The following SNX9 variants were observed in gnomAD, a reference collection of about 807,000 sequenced individuals.
SNX9 encodes the protein sorting nexin-9.
Under a neutral mutation model 89.4 loss-of-function variants are expected in SNX9, and 44 were observed. That is an observed-to-expected ratio of 0.49 (90% CI 0.39 to 0.63). SNX9 has a LOEUF of 0.63. Among genes scored for constraint, SNX9 ranks in the 30% least tolerant of loss-of-function variants. The pLI is 0.00. For missense variants in SNX9, 578 were observed against 736.1 expected (o/e 0.79, Z 2.49); for synonymous variants, 236 against 247.8 (o/e 0.95, Z 0.45).
At chr6:157,884,832 G>A (rs1782700217) in intron 4 of SNX9, among the ~76,000 whole-genome samples, 1 of 151,904 alleles carries the variant, frequency 6.6e-6, no homozygotes, top group Non-Finnish European at 1.5e-5. Flanking sequence ...TGTTTGTTTT[G>A]TCTAACTGGA....
intron 1 of SNX9, among the ~76,000 whole-genome samples, chr6:157,856,046 G>A (rs1483743351): frequency 6.6e-6 from 1 of 152,208 alleles, no homozygotes; most frequent in Non-Finnish European, 1.5e-5. Context: ...ACCACGCCCG[G>A]CCTGTCATTG....
Position 157,943,295 on chromosome 6 carries a change from T to G in SNX9, c.*457T>G, listed in dbSNP as rs936842118. ...TGCCAGAATAAAAAATATCTATGTT[T>G]GTATATTTTTATAACTCCTTTCAGT... On this transcript the variant is annotated 3_prime_UTR_variant, in exon 18 of 18. Transcript: ENST00000392185. The G allele has an allele frequency of 6.6e-6, 1 of 152,642 alleles. No individual in the cohort carries two copies. Among genetic ancestry groups the G allele is most frequent in the Admixed American group, 6.5e-5 (1 of 15,292 alleles). The allele number at this position is 152,642 out of a possible 1,614,324, so 9.5% of individuals were successfully genotyped here.
At chr6:157,881,005 C>T (rs1189940388) in intron 4 of SNX9, among the ~76,000 whole-genome samples, 2 of 152,202 alleles carry the variant, frequency 1.3e-5, no homozygotes, top group African/African-American at 4.8e-5. Flanking sequence ...ACCACTGCTT[C>T]TAAAACAAGA....
chr6:157,855,424 A>G (rs1008732186), intron 1 of SNX9, among the ~76,000 whole-genome samples: 1 of 152,300 alleles, frequency 6.6e-6, no homozygotes, highest in South Asian at 2.1e-4. Flanking sequence ...TCTCGTTAAG[A>G]TACATGTGTG....
At chr6:157,851,515 C>T (rs1781910704) in intron 1 of SNX9, among the ~76,000 whole-genome samples, 1 of 152,126 alleles carries the variant, frequency 6.6e-6, no homozygotes, top group African/African-American at 2.4e-5. Context: ...CTCCCTGTAG[C>T]CCCTGGTAAC....
chr6:157,917,687 G>A (rs528995334), intron 9 of SNX9, among the ~76,000 whole-genome samples: 2 of 151,988 alleles, frequency 1.3e-5, no homozygotes, highest in Admixed American at 6.5e-5. Context: ...ACATTCTCCC[G>A]TATATTTTAA....
intron 1 of SNX9, among the ~76,000 whole-genome samples, chr6:157,867,163 G>A (rs1255367990): frequency 6.6e-6 from 1 of 152,066 alleles, no homozygotes; most frequent in Non-Finnish European, 1.5e-5. Flanking sequence ...TTGTTGCTCA[G>A]GCTGGTCTCG....
At position 157,938,702 on chromosome 6, in the gene SNX9, CAG is replaced by C; in HGVS notation, c.1605_1606del (p.Asn536HisfsTer15). 1 of 1,614,022 alleles carries C rather than the reference CAG, an allele frequency of 6.2e-7. No individual in the cohort carries two copies. On this transcript the variant is annotated frameshift_variant, in exon 16 of 18. Coordinates refer to ENST00000392185, the MANE Select transcript of SNX9 (RefSeq NM_016224.5). LOFTEE classifies it high-confidence loss of function. Reference protein sequence around the residue: ...ATSKITLQDKQNMVKRVSIMS... With the variant: ...ATSKITLQDKXNMVKRVSIMS... ...AAGTAAAATCACCCTACAAGACAAA[CAG>C]AACATGGTGAAGAGAGTCAGCATCA...
chr6:157,904,597 G>A (rs1783172089), intron 6 of SNX9, among the ~76,000 whole-genome samples: 1 of 152,084 alleles, frequency 6.6e-6, no homozygotes, highest in African/African-American at 2.4e-5. Flanking sequence ...TGTAGTCCCA[G>A]CTACTTGGGA....
intron 1 of SNX9, among the ~76,000 whole-genome samples, chr6:157,826,332 A>G (rs1003599057): frequency 6.6e-6 from 1 of 151,742 alleles, no homozygotes; most frequent in Non-Finnish European, 1.5e-5. Flanking sequence ...CTCCATCTAT[A>G]CTAAAAATAC....
intron 13 of SNX9, 33 bp from the exon 14 acceptor site, chr6:157,935,931 C>G: frequency 6.6e-7 from 1 of 1,518,568 alleles, no homozygotes; most frequent in South Asian, 1.2e-5. Flanking sequence ...ATATGCATAA[C>G]TTATAACCAC....
intron 2 of SNX9, among the ~76,000 whole-genome samples, chr6:157,870,906 ACACT>A (rs1360781483): frequency 3.9e-5 from 6 of 152,198 alleles, no homozygotes; most frequent in African/African-American, 1.2e-4. Flanking sequence ...CCCCTCAGAC[ACACT>A]CACCTGCTGT....
intron 1 of SNX9, among the ~76,000 whole-genome samples, chr6:157,842,655 G>A (rs573299418): frequency 1.1e-4 from 17 of 152,298 alleles, no homozygotes; most frequent in Non-Finnish European, 2.2e-4. Context: ...AATCTTAAGG[G>A]GTTGAAGTTA....
In SNX9 at chr6:157,901,989, C is replaced by T. The variant is rs757645466; in HGVS notation, c.564C>T (p.Gly188=). 45 of 1,613,668 alleles carry T rather than the reference C, an allele frequency of 2.8e-5. No individual in the cohort carries two copies. Among genetic ancestry groups the T allele is most frequent in the Non-Finnish European group, 3.4e-5 (40 of 1,179,910 alleles). ...FKDSESADAG[G]AQRGNSRASS... ...ATTCAGAGTCAGCTGATGCAGGCGG[C>T]GCTCAGCGAGGAAACAGTCGTGCTA... The change falls in exon 6 of 18, where the codon GGC becomes GGT. Residue 188 remains glycine (G), a synonymous_variant. Coordinates refer to ENST00000392185, the MANE Select transcript of SNX9 (RefSeq NM_016224.5).
intron 1 of SNX9, among the ~76,000 whole-genome samples, chr6:157,831,228 TC>T (rs60286364): frequency 0.012 from 1,872 of 152,346 alleles, 49 homozygotes; most frequent in East Asian, 0.12. Context: ...ATTTGATTTT[TC>T]CTTGAGTTGC....
In SNX9 at chr6:157,927,165, A is replaced by G. The variant is rs1278386278; in HGVS notation, c.1135A>G (p.Ile379Val). 4 of 1,614,066 alleles carry G rather than the reference A, an allele frequency of 2.5e-6. No homozygotes were observed. The highest frequency in any genetic ancestry group is 1.3e-5 in the African/African-American group (1 of 74,918). Residue 379 changes from isoleucine to valine, a missense_variant, in exon 11 of 18, where the codon ATA becomes GTA. Physicochemically the swap from Ile to Val is conservative, Grantham distance 29. Coordinates refer to ENST00000392185, the MANE Select transcript of SNX9 (RefSeq NM_016224.5). ...AERDELAGVM[I>V]FSTMEPEAPD... Reference sequence around the variant, plus strand: ...GAGAGATGAGCTGGCGGGAGTCATGATATTTTCCACCATGGAACCAGAGGC... The same window carrying G: ...GAGAGATGAGCTGGCGGGAGTCATGGTATTTTCCACCATGGAACCAGAGGC...
intron 7 of SNX9, among the ~76,000 whole-genome samples, chr6:157,909,420 T>G (rs1436656369): frequency 6.6e-6 from 1 of 152,210 alleles, no homozygotes; most frequent in African/African-American, 2.4e-5. Context: ...GGGAAGCTGG[T>G]GTCTCCTCTC....
intron 4 of SNX9, among the ~76,000 whole-genome samples, chr6:157,888,733 T>G (rs1454904221): frequency 6.6e-6 from 1 of 152,098 alleles, no homozygotes; most frequent in Admixed American, 6.5e-5. Flanking sequence ...TTTTCCCAAG[T>G]GAAGTGATTA....
At chr6:157,930,172 C>T (rs1307691717) in intron 12 of SNX9, among the ~76,000 whole-genome samples, 4 of 152,190 alleles carry the variant, frequency 2.6e-5, no homozygotes, top group African/African-American at 4.8e-5. Flanking sequence ...AGCAGTAATA[C>T]CAGTACCAGT....
Sources: allele counts gnomAD v4.1 joint callset (sites outside exome capture counted in the v4.1 genomes callset), GRCh38; gene constraint gnomAD v4.1.1; transcripts MANE v1.5; gene names NCBI Gene and HGNC (gene_info 2026-07-23, HGNC 2026-07-21).